Variants in KSR2 observed in about 807,000 individuals in gnomAD.
KSR2 encodes the protein kinase suppressor of ras 2.
In KSR2, 25 loss-of-function variants were observed where a neutral mutation model predicts 107.8. That is an observed-to-expected ratio of 0.23 (90% CI 0.17 to 0.32). The LOEUF (loss-of-function observed/expected upper bound fraction) is 0.32. Ranked by LOEUF, KSR2 falls within the 10% of genes least tolerant of loss-of-function variation. The pLI is 1.00. For synonymous variants in KSR2, 480 were observed against 507.0 expected, an observed-to-expected ratio of 0.95 and a Z score of 0.71; for missense variants, 887 against 1,268.9, an observed-to-expected ratio of 0.70 and a Z score of 4.57.
intron 3 of KSR2, among the ~76,000 whole-genome samples, chr12:117,816,307 T>C (rs1891367389): frequency 6.6e-6 from 1 of 152,074 alleles, no homozygotes; most frequent in Admixed American, 6.6e-5. Flanking sequence ...AGCTGAGGCT[T>C]TAGCCAGTAA....
intron 5 of KSR2, among the ~76,000 whole-genome samples, chr12:117,654,418 A>T (rs2102802): frequency 0.075 from 11,385 of 152,206 alleles, 661 homozygotes; most frequent in African/African-American, 0.15. Flanking sequence ...GGAAGAGAAG[A>T]CCAGGGCCTG....
At chr12:117,698,357 A>G (rs543969175) in intron 4 of KSR2, among the ~76,000 whole-genome samples, 1 of 151,212 alleles carries the variant, frequency 6.6e-6, no homozygotes, top group East Asian at 1.9e-4. Flanking sequence ...GGATCTCACT[A>G]TAGGCTGGCA....
chr12:117,849,940 G>C (rs1791381005), intron 3 of KSR2, among the ~76,000 whole-genome samples: 1 of 152,222 alleles, frequency 6.6e-6, no homozygotes, highest in South Asian at 2.1e-4. Flanking sequence ...GCTCTGGGTT[G>C]AGCTGGGGCT....
At chr12:117,789,805 G>A (rs1302680442) in intron 3 of KSR2, among the ~76,000 whole-genome samples, 1 of 152,102 alleles carries the variant, frequency 6.6e-6, no homozygotes. Context: ...GATACAGCAG[G>A]GAACAAAACA....
At chr12:117,617,895 T>G (rs924766212) in intron 5 of KSR2, among the ~76,000 whole-genome samples, 1 of 152,178 alleles carries the variant, frequency 6.6e-6, no homozygotes, top group Non-Finnish European at 1.5e-5. Flanking sequence ...AGCTCCCAAT[T>G]CTGGAAAATC....
intron 4 of KSR2, among the ~76,000 whole-genome samples, chr12:117,709,500 T>C (rs781702230): frequency 2.4e-4 from 36 of 152,134 alleles, no homozygotes; most frequent in Admixed American, 1.3e-3. Context: ...ATTTTTTTAC[T>C]TTTTGCAGAG....
chr12:117,742,117 G>A (rs1888239547), intron 4 of KSR2, among the ~76,000 whole-genome samples: 1 of 152,094 alleles, frequency 6.6e-6, no homozygotes, highest in East Asian at 1.9e-4. Flanking sequence ...TGTATAACCT[G>A]AATCATCATA....
chr12:117,754,334 G>C (rs1888712992), intron 4 of KSR2, among the ~76,000 whole-genome samples: 1 of 151,978 alleles, frequency 6.6e-6, no homozygotes, highest in African/African-American at 2.4e-5. Flanking sequence ...AAGGATAAGG[G>C]GCCTAAAAAA....
chr12:117,846,829 A>C (rs559348126), intron 3 of KSR2, among the ~76,000 whole-genome samples: 16 of 152,324 alleles, frequency 1.1e-4, no homozygotes, highest in Middle Eastern at 3.4e-3. Flanking sequence ...GAGTCTGGTG[A>C]CCGCTGTACT....
intron 1 of KSR2, among the ~76,000 whole-genome samples, chr12:117,962,600 A>G (rs1228390083): frequency 6.6e-6 from 1 of 151,474 alleles, no homozygotes; most frequent in Non-Finnish European, 1.5e-5. Context: ...ACCCGCTGCC[A>G]TGCCCCACTA....
At chr12:117,503,879 C>G (rs1383200820) in intron 14 of KSR2, among the ~76,000 whole-genome samples, 1 of 152,172 alleles carries the variant, frequency 6.6e-6, no homozygotes, top group Non-Finnish European at 1.5e-5. Flanking sequence ...GATCAAACTT[C>G]CATAATAAAC....
At chr12:117,966,485 T>G (rs770470239) in intron 1 of KSR2, among the ~76,000 whole-genome samples, 1 of 151,900 alleles carries the variant, frequency 6.6e-6, no homozygotes, top group African/African-American at 2.4e-5. Context: ...CCCAACACAA[T>G]TCCCACTCTC....
chr12:117,927,821 C>T (rs1001778192), intron 1 of KSR2, among the ~76,000 whole-genome samples: 2 of 152,298 alleles, frequency 1.3e-5, no homozygotes, highest in East Asian at 3.9e-4. Flanking sequence ...CCTCCTTGCC[C>T]CCTTATTATT....
chr12:117,814,982 G>A (rs1446423), intron 3 of KSR2, among the ~76,000 whole-genome samples: 15,104 of 152,162 alleles, frequency 0.099, 1,074 homozygotes, highest in East Asian at 0.28. Context: ...ATCAAAGGGT[G>A]TGGCCAAAGG....
chr12:117,813,478 C>A (rs1335684632), intron 3 of KSR2, among the ~76,000 whole-genome samples: 1 of 152,012 alleles, frequency 6.6e-6, no homozygotes, highest in Non-Finnish European at 1.5e-5. Context: ...GGGCAAAAGA[C>A]CTAGAATAGA....
chr12:117,702,996 A>C (rs1269894475), intron 4 of KSR2, among the ~76,000 whole-genome samples: 3 of 152,224 alleles, frequency 2.0e-5, no homozygotes, highest in Non-Finnish European at 4.4e-5. Flanking sequence ...ACAGTTTTCC[A>C]GCAATAAACT....
At chr12:117,544,867 G>A (rs1192755912) in intron 9 of KSR2, among the ~76,000 whole-genome samples, 1 of 152,142 alleles carries the variant, frequency 6.6e-6, no homozygotes, top group Non-Finnish European at 1.5e-5. Flanking sequence ...CCAGCATTGT[G>A]TTGAATAAGA....
chr12:117,911,174 TCACA>T (rs374154062), intron 1 of KSR2, among the ~76,000 whole-genome samples: 20 of 149,044 alleles, frequency 1.3e-4, no homozygotes, highest in South Asian at 6.4e-4. Context: ...TCTCTCTCTC[TCACA>T]CACACACACA....
At chr12:117,896,537 G>A (rs1421370095) in intron 1 of KSR2, among the ~76,000 whole-genome samples, 1 of 148,246 alleles carries the variant, frequency 6.7e-6, no homozygotes, top group Non-Finnish European at 1.5e-5. Context: ...TTGGCTCACT[G>A]CAACCTCCAC....
Sources: gnomAD v4.1 joint callset for allele counts (sites outside exome capture counted in the v4.1 genomes callset) on GRCh38, gnomAD v4.1.1 for gene constraint, MANE v1.5 for transcripts, NCBI Gene and HGNC (gene_info 2026-07-23, HGNC 2026-07-21) for gene names.